NT5C2: variants seen among roughly 807,000 people sequenced by gnomAD.
NT5C2 encodes cytosolic purine 5'-nucleotidase.
Under a neutral mutation model 76.1 loss-of-function variants are expected in NT5C2, and 58 were observed. That is an observed-to-expected ratio of 0.76 (90% CI 0.62 to 0.95). The LOEUF (loss-of-function observed/expected upper bound fraction) is 0.95. NT5C2 is among the 40% of genes least tolerant of loss of function. The pLI is 0.00. For synonymous variants in NT5C2, 229 were observed against 237.4 expected, an observed-to-expected ratio of 0.96 and a Z score of 0.32; for missense variants, 478 against 690.3, an observed-to-expected ratio of 0.69 and a Z score of 3.45.
At chr10:103,180,723 GA>G (rs201461182) in intron 2 of NT5C2, among the ~76,000 whole-genome samples, 10 of 141,678 alleles carry the variant, frequency 7.1e-5, no homozygotes, top group South Asian at 2.2e-4. Context: ...TGTCTCAAAA[GA>G]AAAAAAAAAA....
chr10:103,123,156 G>T (rs79331374), intron 4 of NT5C2, among the ~76,000 whole-genome samples: 2 of 151,878 alleles, frequency 1.3e-5, no homozygotes, highest in Non-Finnish European at 2.9e-5. Context: ...TTGAGACAGG[G>T]TCTTGTTCTA....
intron 3 of NT5C2, among the ~76,000 whole-genome samples, chr10:103,150,342 T>C (rs1452884980): frequency 6.6e-6 from 1 of 152,232 alleles, no homozygotes; most frequent in Non-Finnish European, 1.5e-5. Flanking sequence ...CTGAGATTCA[T>C]CCATGTTGCT....
At chr10:103,159,292 C>CACAA (rs1253770056) in intron 3 of NT5C2, among the ~76,000 whole-genome samples, 3 of 143,580 alleles carry the variant, frequency 2.1e-5, no homozygotes, top group Non-Finnish European at 4.6e-5. Context: ...CACACACACA[C>CACAA]AATTAGAGCT....
chr10:103,183,547 G>A (rs1333090782), intron 1 of NT5C2, among the ~76,000 whole-genome samples: 13 of 118,852 alleles, frequency 1.1e-4, no homozygotes, highest in African/African-American at 3.0e-4. Flanking sequence ...AGTCTCTTTC[G>A]CTCTGTCTTC....
At chr10:103,169,434 C>G (rs7081075) in intron 3 of NT5C2, 6 of 151,804 alleles carry the variant, frequency 4.0e-5, no homozygotes, top group Non-Finnish European at 8.8e-5. Flanking sequence ...CTGGGTAACA[C>G]AGCAAGACTT....
rs552174294 is a variant in NT5C2 at position 103,124,105 on chromosome 10, C to T, written c.175+15301G>A. On this transcript the variant is annotated intron_variant, in intron 4 of 18. Coordinates refer to ENST00000404739, the MANE Select transcript of NT5C2 (RefSeq NM_001351169.2). ...ATGAAATTTACCACATTTACTCTTT[C>T]GTGCAACTGCAAACATTAACTATTT... Among the ~76,000 whole-genome samples the T allele has an allele frequency of 1.7e-3, 264 of 152,216 alleles. 1 individual carries two copies. Among genetic ancestry groups the T allele is most frequent in the African/African-American group, 5.8e-3 (242 of 41,514 alleles).
At chr10:103,090,863 A>G in intron 17 of NT5C2, 73 bp downstream of exon 17, 2 of 1,594,964 alleles carry the variant, frequency 1.3e-6, no homozygotes, top group South Asian at 1.1e-5. Flanking sequence ...GCTAGTCTCT[A>G]TAATAAATCA....
At chr10:103,129,553 C>T (rs1283702055) in intron 4 of NT5C2, among the ~76,000 whole-genome samples, 7 of 129,674 alleles carry the variant, frequency 5.4e-5, no homozygotes, top group African/African-American at 1.4e-4. Context: ...CCCGGCCAGC[C>T]GCCCCGTCCG....
chr10:103,120,690 G>A (rs1486532044), intron 4 of NT5C2, among the ~76,000 whole-genome samples: 1 of 152,192 alleles, frequency 6.6e-6, no homozygotes, highest in African/African-American at 2.4e-5. Flanking sequence ...TATTGCTGGT[G>A]GGGATGTAAG....
chr10:103,115,703 A>G (rs1206862301), intron 4 of NT5C2, among the ~76,000 whole-genome samples: 1 of 152,170 alleles, frequency 6.6e-6, no homozygotes, highest in East Asian at 1.9e-4. Flanking sequence ...AATATTAGTG[A>G]AAACTTTAAC....
In NT5C2 at chr10:103,186,982, G is replaced by C. The variant is rs568314753; in HGVS notation, c.-168-5654C>G. Among the ~76,000 whole-genome samples the C allele has an allele frequency of 8.5e-5, 13 of 152,164 alleles. No homozygotes were observed. In the South Asian group the frequency reaches 2.7e-3, roughly 32 times the overall value. On this transcript the variant is annotated intron_variant, in intron 1 of 18. Coordinates refer to ENST00000404739, the MANE Select transcript of NT5C2 (RefSeq NM_001351169.2). Reference sequence around the variant, plus strand: ...ATTCTAATGTTAGGCCAGGGGCGGTGGTTCACGCCTATAATCCCAGCACTC... The same window carrying C: ...ATTCTAATGTTAGGCCAGGGGCGGTCGTTCACGCCTATAATCCCAGCACTC...
intron 1 of NT5C2, among the ~76,000 whole-genome samples, chr10:103,182,918 C>A (rs1035846519): frequency 6.6e-6 from 1 of 152,056 alleles, no homozygotes; most frequent in East Asian, 1.9e-4. Flanking sequence ...CTTTGATAAC[C>A]CTAGTCCTTG....
chr10:103,127,981 A>G (rs2076986989), intron 4 of NT5C2, among the ~76,000 whole-genome samples: 1 of 152,128 alleles, frequency 6.6e-6, no homozygotes, highest in Non-Finnish European at 1.5e-5. Flanking sequence ...GGAGTGAACC[A>G]CTGTACCCAT....
chr10:103,182,394 T>C (rs1482705585), intron 1 of NT5C2, among the ~76,000 whole-genome samples: 1 of 152,108 alleles, frequency 6.6e-6, no homozygotes. Context: ...CCCAGCACTT[T>C]GGGAAGCCGA....
chr10:103,120,098 C>CA (rs529049131), intron 4 of NT5C2, among the ~76,000 whole-genome samples: 13,159 of 130,828 alleles, frequency 0.1, 794 homozygotes, highest in East Asian at 0.29. Flanking sequence ...GACCCTGTTT[C>CA]AAAAAAAAAA....
chr10:103,111,841 A>G, intron 4 of NT5C2: 5 of 1,193,490 alleles, frequency 4.2e-6, no homozygotes, highest in Non-Finnish European at 5.2e-6. Flanking sequence ...ACAAAACAAA[A>G]ACAAAAACAA....
chr10:103,120,117 A>G (rs1422177507), intron 4 of NT5C2, among the ~76,000 whole-genome samples: 2 of 152,062 alleles, frequency 1.3e-5, no homozygotes, highest in African/African-American at 4.8e-5. Flanking sequence ...AAAAGGAAGA[A>G]AAGAAAAGAA....
At chr10:103,118,043 T>C (rs2074779415) in intron 4 of NT5C2, among the ~76,000 whole-genome samples, 1 of 152,246 alleles carries the variant, frequency 6.6e-6, no homozygotes, top group African/African-American at 2.4e-5. Context: ...GGTGACTATA[T>C]GAAGGATAAT....
intron 11 of NT5C2, 102 bp from the exon 12 acceptor site, chr10:103,096,082 T>C (rs901975178): frequency 5.1e-5 from 41 of 809,486 alleles, no homozygotes; most frequent in African/African-American, 4.3e-4. Context: ...TTTTTCAACA[T>C]AGGACTCACC....
Sources: allele counts gnomAD v4.1 joint callset (sites outside exome capture counted in the v4.1 genomes callset), GRCh38; gene constraint gnomAD v4.1.1; transcripts MANE v1.5; gene names NCBI Gene and HGNC (gene_info 2026-07-23, HGNC 2026-07-21).